Variants in CNOT1 observed in about 807,000 individuals in gnomAD.
The protein encoded by CNOT1 is CCR4-associated factor 1.
In CNOT1, 15 loss-of-function variants were observed where a neutral mutation model predicts 273.8. That is an observed-to-expected ratio of 0.05 (90% CI 0.04 to 0.08). The LOEUF (loss-of-function observed/expected upper bound fraction) is 0.08, where lower values mean the gene tolerates loss of function less well. CNOT1 is among the 10% of genes least tolerant of loss of function. The probability of loss-of-function intolerance (pLI) is 1.00; values close to 1 mark genes in which losing one functional copy is unlikely to be tolerated. For synonymous variants in CNOT1, 1,022 were observed against 1,005.5 expected (o/e 1.02, Z -0.31); for missense variants, 1,644 against 2,912.2 (o/e 0.56, Z 10.02).
chr16:58,535,830 T>C (rs1323293864), intron 39 of CNOT1, among the ~76,000 whole-genome samples: 1 of 152,018 alleles, frequency 6.6e-6, no homozygotes, highest in Non-Finnish European at 1.5e-5. Flanking sequence ...ATCTCCTGGG[T>C]TCACGCCATT....
At chr16:58,560,384 A>T in intron 16 of CNOT1, 22 bp from the exon 17 acceptor site, 1 of 1,611,082 alleles carries the variant, frequency 6.2e-7, no homozygotes, top group Non-Finnish European at 8.5e-7. Context: ...GGGAAAAGGT[A>T]AAAAATATCA....
intron 38 of CNOT1, 29 bp from the exon 39 acceptor site, chr16:58,537,249 A>T (rs2039952793): frequency 6.4e-6 from 10 of 1,550,970 alleles, no homozygotes; most frequent in Non-Finnish European, 8.7e-6. Flanking sequence ...GGTGAAAATC[A>T]GTCTCCTCGT....
At chr16:58,521,064 C>CTT in intron 48 of CNOT1, 28 bp from the exon 49 acceptor site, 1 of 1,614,080 alleles carries the variant, frequency 6.2e-7, no homozygotes, top group Non-Finnish European at 8.5e-7. Context: ...TTACAAATCT[C>CTT]TGATTAAAGA....
At chr16:58,554,571 A>T (rs1203855593) in intron 21 of CNOT1, among the ~76,000 whole-genome samples, 1 of 152,212 alleles carries the variant, frequency 6.6e-6, no homozygotes, top group Non-Finnish European at 1.5e-5. Flanking sequence ...TACTGTACGA[A>T]GTATACCTCA....
intron 17 of CNOT1, among the ~76,000 whole-genome samples, chr16:58,559,404 T>C (rs1286835731): frequency 1.3e-5 from 2 of 152,320 alleles, no homozygotes; most frequent in East Asian, 3.9e-4. Flanking sequence ...ACAATCAAGC[T>C]AAATTTAAGT....
intron 16 of CNOT1, among the ~76,000 whole-genome samples, chr16:58,564,019 T>A (rs2040949674): frequency 6.6e-6 from 1 of 152,160 alleles, no homozygotes; most frequent in South Asian, 2.1e-4. Flanking sequence ...CAATGGAGTA[T>A]TATGCAGCAA....
chr16:58,609,721 C>A (rs1381986524), intron 1 of CNOT1, among the ~76,000 whole-genome samples: 2 of 151,968 alleles, frequency 1.3e-5, no homozygotes, highest in Middle Eastern at 3.2e-3. Flanking sequence ...CCTCAGCCAC[C>A]CAAGGTGTTG....
intron 1 of CNOT1, among the ~76,000 whole-genome samples, chr16:58,629,351 G>A (rs1411973452): frequency 1.3e-5 from 2 of 152,212 alleles, no homozygotes; most frequent in African/African-American, 2.4e-5. Context: ...TAAGGAGGTC[G>A]TGGAGGTCTC....
chr16:58,580,277 G>A (rs2041610763), intron 12 of CNOT1, among the ~76,000 whole-genome samples: 1 of 144,892 alleles, frequency 6.9e-6, no homozygotes, highest in Non-Finnish European at 1.5e-5. Context: ...GATTTGACAG[G>A]TTGGCCACCT....
chr16:58,598,325 G>C (rs1350155331), intron 2 of CNOT1, among the ~76,000 whole-genome samples: 1 of 151,352 alleles, frequency 6.6e-6, no homozygotes, highest in Non-Finnish European at 1.5e-5. Flanking sequence ...TTGAACCTGG[G>C]AGATGGTGGT....
Position 58,557,359 on chromosome 16 carries a change from A to G in CNOT1, c.2333-366T>C, listed in dbSNP as rs529430358. Among the ~76,000 whole-genome samples, 35 of 152,338 alleles carry G rather than the reference A, an allele frequency of 2.3e-4. 1 individual carries two copies. The South Asian group carries it at 6.4e-3, about 28-fold the overall frequency. On this transcript the variant is annotated intron_variant, in intron 18 of 48. Coordinates refer to ENST00000317147, the MANE Select transcript of CNOT1 (RefSeq NM_016284.5). ...AAATAATTTCATGATACTATCTTCTAAAGTTACCATGAGTCTCAAAACTTC... is the reference window on the plus strand; with the variant it reads ...AAATAATTTCATGATACTATCTTCTGAAGTTACCATGAGTCTCAAAACTTC...
intron 44 of CNOT1, among the ~76,000 whole-genome samples, chr16:58,527,016 T>C (rs895603162): frequency 6.6e-6 from 1 of 151,978 alleles, no homozygotes; most frequent in African/African-American, 2.4e-5. Flanking sequence ...CCCTTCAGCC[T>C]GGGCAAAACA....
intron 10 of CNOT1, 131 bp from the exon 11 acceptor site, chr16:58,581,646 G>A: frequency 1.5e-6 from 2 of 1,365,194 alleles, no homozygotes; most frequent in East Asian, 2.6e-5. Context: ...TGAATTTTAA[G>A]AAACCCATTC....
intron 21 of CNOT1, 92 bp from the exon 22 acceptor site, chr16:58,553,952 T>A (rs2040540239): frequency 1.4e-6 from 2 of 1,421,322 alleles, no homozygotes; most frequent in East Asian, 5.4e-5. Context: ...TAGGTCATTT[T>A]TTTCCATCTT....
intron 44 of CNOT1, among the ~76,000 whole-genome samples, chr16:58,526,408 TCTTGGA>T (rs1239957254): frequency 2.0e-5 from 3 of 151,600 alleles, no homozygotes; most frequent in Non-Finnish European, 4.4e-5. Flanking sequence ...AACTGATTTT[TCTTGGA>T]CTTCGGTTTC....
At chr16:58,586,904 T>C (rs751709290) in intron 6 of CNOT1, among the ~76,000 whole-genome samples, 156 bp from the exon 7 acceptor site, 38 of 152,054 alleles carry the variant, frequency 2.5e-4, no homozygotes, top group Admixed American at 7.2e-4. Flanking sequence ...AAGAAACCAA[T>C]GGCCAGGGAC....
chr16:58,525,884 A>G, intron 45 of CNOT1, 105 bp downstream of exon 45: 2 of 918,414 alleles, frequency 2.2e-6, no homozygotes, highest in Non-Finnish European at 3.4e-6. Flanking sequence ...CAATTGATGG[A>G]AATGACAATA....
chr16:58,551,670 T>C lies in CNOT1; in HGVS notation c.3120A>G (p.Val1040=). The C allele has an allele frequency of 6.2e-7, 1 of 1,614,206 alleles. No individual in the cohort carries two copies. Among genetic ancestry groups the C allele is most frequent in the South Asian group, 1.1e-5 (1 of 91,084 alleles). The part of the protein sequence containing the change: ...APLAGQVSTM[V]TTSTTTTVAK... ...CAACAGTGGTAGTTGTTGAGGTGGT[T>C]ACCATAGTGCTAACTTGACCAGCAA... The change falls in exon 23 of 49, where the codon GTA becomes GTG. Residue 1040 remains valine, a synonymous_variant. Coordinates refer to ENST00000317147, the MANE Select transcript of CNOT1 (RefSeq NM_016284.5).
At chr16:58,620,556 A>C (rs1161564270) in intron 1 of CNOT1, among the ~76,000 whole-genome samples, 6 of 150,618 alleles carry the variant, frequency 4.0e-5, no homozygotes, top group African/African-American at 1.2e-4. Flanking sequence ...AGGCAGGAGA[A>C]TCGCTTGAAC....
Sources: allele counts gnomAD v4.1 joint callset (sites outside exome capture counted in the v4.1 genomes callset), GRCh38; gene constraint gnomAD v4.1.1; transcripts MANE v1.5; gene names NCBI Gene and HGNC (gene_info 2026-07-23, HGNC 2026-07-21).